Variants in IARS1 observed in about 807,000 individuals in gnomAD.
The protein encoded by IARS1 is isoleucyl-tRNA synthetase 1, also known as isoleucine--tRNA ligase, cytoplasmic.
A neutral mutation model predicts 168.2 loss-of-function variants in IARS1; 124 were observed. The ratio of observed to expected loss-of-function variants is 0.74; its 90% CI spans 0.64 to 0.86. IARS1 has a LOEUF of 0.86. IARS1 is among the 40% of genes least tolerant of loss of function. The probability of loss-of-function intolerance (pLI) is 0.00; values close to 1 mark genes in which losing one functional copy is unlikely to be tolerated. For missense variants in IARS1, 1,452 were observed against 1,515.8 expected, an observed-to-expected ratio of 0.96 and a Z score of 0.70; for synonymous variants, 532 against 529.4, an observed-to-expected ratio of 1.00 and a Z score of -0.07.
intron 33 of IARS1, among the ~76,000 whole-genome samples, chr9:92,214,727 G>GCA (rs1838344998): frequency 6.6e-6 from 1 of 152,180 alleles, no homozygotes; most frequent in South Asian, 2.1e-4. Flanking sequence ...CTTAAAAAAC[G>GCA]GCGCACCACG....
intron 27 of IARS1, among the ~76,000 whole-genome samples, chr9:92,243,767 C>A (rs1388814833): frequency 6.6e-6 from 1 of 152,222 alleles, no homozygotes; most frequent in Non-Finnish European, 1.5e-5. Flanking sequence ...CCCCTGTGAT[C>A]TTCAGGTTTG....
chr9:92,242,443 G>T, intron 28 of IARS1, 113 bp from the exon 29 acceptor site: 1 of 764,092 alleles, frequency 1.3e-6, no homozygotes, highest in Non-Finnish European at 2.1e-6. Context: ...TCACAGAAGG[G>T]CAGTCACCCT....
intron 2 of IARS1, 59 bp downstream of exon 2, chr9:92,289,242 G>GGA (rs1042718507): frequency 2.6e-5 from 17 of 648,404 alleles, no homozygotes; most frequent in Non-Finnish European, 4.8e-5. Flanking sequence ...CTGCTTTAAT[G>GGA]GAATTCAGTC....
chr9:92,258,583 T>G (rs1279385882), intron 19 of IARS1, among the ~76,000 whole-genome samples: 1 of 150,976 alleles, frequency 6.6e-6, no homozygotes, highest in Non-Finnish European at 1.5e-5. Context: ...AGACTGAGAC[T>G]CCACCTCAAA....
At position 92,229,033 on chromosome 9, in the gene IARS1, T is replaced by G. The variant is rs768902541; in HGVS notation, c.3377A>C (p.Asn1126Thr). ...SVVTSIFGVK[N>T]TELAVFHDET... ...ATCATGGAAGACAGCCAGCTCTGTA[T>G]TTTTCACACCAAAAATGCTAGTGAC... The change falls in exon 31 of 34, where the codon AAT (asparagine) becomes ACT (threonine). Residue 1126 changes from asparagine (N) to threonine (T), a missense_variant. Transcript: ENST00000443024. 2.2e-5 allele frequency: 36 copies of G among 1,613,990 alleles called. 1 individual carries two copies. In the East Asian group the frequency reaches 7.6e-4, roughly 34 times the overall value.
chr9:92,259,250 T>C (rs575931242), intron 18 of IARS1, among the ~76,000 whole-genome samples: 3 of 152,172 alleles, frequency 2.0e-5, no homozygotes, highest in Admixed American at 6.5e-5. Flanking sequence ...CAGAAATGCA[T>C]CTTATGCCAC....
At chr9:92,229,640 A>T (rs1254286659) in intron 30 of IARS1, among the ~76,000 whole-genome samples, 2 of 152,104 alleles carry the variant, frequency 1.3e-5, no homozygotes, top group African/African-American at 4.8e-5. Flanking sequence ...TACTTTATTA[A>T]TATATTTGAA....
chr9:92,250,355 C>G lies in IARS1; in HGVS notation c.2430-66G>C, dbSNP rs1829837125. ...AGAGGAGAAAATTGAAGGCACTAGG[C>G]ATGCATAAGCGAGGAAGAGGGTCAG... On this transcript the variant is annotated intron_variant, in intron 23 of 33. Transcript: ENST00000443024. 10 of 994,730 alleles carry G rather than the reference C, an allele frequency of 1.0e-5. No individual in the cohort carries two copies. The East Asian group carries it at 2.4e-4, about 24-fold the overall frequency. The allele number at this position is 994,730 out of a possible 1,614,324, so 61.6% of individuals were successfully genotyped here. A position where few individuals can be genotyped will look rare whatever the true frequency, so the allele number is the denominator to read the frequency against.
At chr9:92,243,469 A>T in intron 27 of IARS1, 158 bp from the exon 28 acceptor site, 1 of 544,030 alleles carries the variant, frequency 1.8e-6, no homozygotes, top group African/African-American at 1.9e-5. Context: ...TTTATCATTC[A>T]GGTACTTCTT....
chr9:92,269,845 T>A, intron 13 of IARS1, 40 bp downstream of exon 13: 1 of 1,374,980 alleles, frequency 7.3e-7, no homozygotes, highest in Non-Finnish European at 1.0e-6. Flanking sequence ...ACTAACCACA[T>A]GACAAAAGAC....
intron 3 of IARS1, 71 bp downstream of exon 3, chr9:92,288,055 C>T: frequency 6.5e-7 from 1 of 1,534,080 alleles, no homozygotes. Flanking sequence ...CATACTTGAA[C>T]ATATTATATG....
Position 92,289,464 on chromosome 9 carries a change from A to G in IARS1, c.-7-38T>C, listed in dbSNP as rs376121892. On this transcript the variant is annotated intron_variant, in intron 1 of 33. Transcript: ENST00000443024. Reference sequence around the variant, plus strand: ...TCAAATTTATTACTGTCAAAAGAGAAATCTAGGAATAACAGAGTACCATAT... The same window carrying G: ...TCAAATTTATTACTGTCAAAAGAGAGATCTAGGAATAACAGAGTACCATAT... 9.1e-6 allele frequency: 8 copies of G among 878,400 alleles called. No individual in the cohort carries two copies. The African/African-American group carries it at 9.9e-5, about 11-fold the overall frequency. The allele number at this position is 878,400 out of a possible 1,614,324, so 54.4% of individuals were successfully genotyped here.
At chr9:92,286,045 G>A (rs1158214360) in intron 5 of IARS1, 8 of 497,272 alleles carry the variant, frequency 1.6e-5, no homozygotes, top group East Asian at 9.7e-5. Flanking sequence ...TACTGATATC[G>A]AATGATATTT....
intron 26 of IARS1, among the ~76,000 whole-genome samples, chr9:92,245,590 C>T (rs748317946): frequency 6.6e-5 from 10 of 152,064 alleles, no homozygotes; most frequent in African/African-American, 9.7e-5. Context: ...TTAACACCCC[C>T]GCTGATAGGG....
intron 33 of IARS1, among the ~76,000 whole-genome samples, chr9:92,216,865 G>A (rs1374589979): frequency 6.8e-6 from 1 of 147,470 alleles, no homozygotes; most frequent in African/African-American, 2.5e-5. Flanking sequence ...ACAGATCAAC[G>A]AGACAGAAAG....
In IARS1 at chr9:92,265,097, C is replaced by G; in HGVS notation, c.1532G>C (p.Arg511Pro). ...ESVDHLTIPSRCGKGSLHRIS... is the reference protein window; with the variant it reads ...ESVDHLTIPSPCGKGSLHRIS... Reference sequence around the variant, plus strand: ...GCGGTGCAAGGATCCCTTCCCACAGCGTGAAGGAATGGTCAGGTGGTCAAC... The same window carrying G: ...GCGGTGCAAGGATCCCTTCCCACAGGGTGAAGGAATGGTCAGGTGGTCAAC... The change falls in exon 16 of 34, where the codon CGC becomes CCC. Residue 511 changes from arginine to proline, a missense_variant. Physicochemically the swap from Arg to Pro is moderately radical, Grantham distance 103. Coordinates refer to ENST00000443024, the MANE Select transcript of IARS1 (RefSeq NM_002161.6). The G allele has an allele frequency of 6.2e-7, 1 of 1,613,610 alleles. No homozygotes were observed. Among genetic ancestry groups the G allele is most frequent in the Non-Finnish European group, 8.5e-7 (1 of 1,179,814 alleles).
chr9:92,235,224 G>A (rs987631005), intron 30 of IARS1, among the ~76,000 whole-genome samples: 5 of 151,938 alleles, frequency 3.3e-5, no homozygotes, highest in Admixed American at 6.6e-5. Context: ...TTATTTCCTC[G>A]TCATGCCGTG....
intron 13 of IARS1, 41 bp from the exon 14 acceptor site, chr9:92,268,341 G>T: frequency 6.3e-7 from 1 of 1,592,902 alleles, no homozygotes; most frequent in South Asian, 1.1e-5. Context: ...ATAAAAATAT[G>T]GAAAAATTCA....
chr9:92,214,750 G>C (rs1298143507), intron 33 of IARS1, among the ~76,000 whole-genome samples: 1 of 152,218 alleles, frequency 6.6e-6, no homozygotes, highest in Non-Finnish European at 1.5e-5. Flanking sequence ...ATTATACCCC[G>C]CACCTAGCTC....
Sources: allele counts gnomAD v4.1 joint callset (sites outside exome capture counted in the v4.1 genomes callset), GRCh38; gene constraint gnomAD v4.1.1; transcripts MANE v1.5; gene names NCBI Gene and HGNC (gene_info 2026-07-23, HGNC 2026-07-21).